The following FAT4 variants were observed in gnomAD, a reference collection of about 807,000 sequenced individuals.
FAT4 encodes FAT atypical cadherin 4.
Under a neutral mutation model 303.9 loss-of-function variants are expected in FAT4, and 84 were observed. That is an observed-to-expected ratio of 0.28 (90% CI 0.23 to 0.33). The LOEUF is 0.33. Among genes scored for constraint, FAT4 ranks in the 10% least tolerant of loss-of-function variants. FAT4 has a pLI of 1.00. For missense variants in FAT4, 6,005 were observed against 6,146.8 expected (o/e 0.98, Z 0.77); for synonymous variants, 2,307 against 2,298.8 (o/e 1.00, Z -0.10).
chr4:125,371,656 G>T (rs1733118112), intron 2 of FAT4, among the ~76,000 whole-genome samples: 1 of 151,412 alleles, frequency 6.6e-6, no homozygotes, highest in African/African-American at 2.4e-5. Context: ...ATAAAAAGTG[G>T]CTCTTTCATT....
In FAT4 at chr4:125,317,065, C is replaced by G; in HGVS notation, c.654C>G (p.Leu218=). The change falls in exon 2 of 18, where the codon CTC becomes CTG. Residue 218 remains leucine (L), a synonymous_variant. Coordinates refer to ENST00000394329, the MANE Select transcript of FAT4 (RefSeq NM_001291303.3). The surrounding 1 kb of genome is among the most constrained non-coding windows in gnomAD (Gnocchi z 7.0). ...LDREVTPQYQ[L]LVEVEDKGEP... is the part of the protein sequence containing the mutation. The stretch of plus-strand genomic sequence containing the variant: ...GTGAGGTCACTCCGCAGTACCAGCT[C>G]CTGGTTGAGGTGGAGGACAAGGGTG... 6.2e-7 allele frequency: 1 copy of G among 1,614,010 alleles called. No homozygotes were observed. The highest frequency in any genetic ancestry group is 8.5e-7 in the Non-Finnish European group (1 of 1,180,032).
intron 2 of FAT4, among the ~76,000 whole-genome samples, chr4:125,394,465 T>A (rs537387726): frequency 6.6e-6 from 1 of 152,172 alleles, no homozygotes; most frequent in Non-Finnish European, 1.5e-5. Flanking sequence ...TTACAACATA[T>A]GCTTTTTTAG....
chr4:125,407,030 C>T lies in FAT4; in HGVS notation c.5458C>T (p.Leu1820Phe), dbSNP rs1251905201. ...YSLLVRADDG[L>F]QSSDMRINIT... ...ACTGCTAGTTCGTGCTGATGATGGTCTTCAGTCCTCGGATATGAGAATTAA... is the reference window on the plus strand; with the variant it reads ...ACTGCTAGTTCGTGCTGATGATGGTTTTCAGTCCTCGGATATGAGAATTAA... The change falls in exon 4 of 18, where the codon CTT becomes TTT. Residue 1820 changes from leucine (L) to phenylalanine (F), a missense_variant. Transcript: ENST00000394329. 5 of 1,613,852 alleles carry T rather than the reference C, an allele frequency of 3.1e-6. No homozygotes were observed. Among genetic ancestry groups the T allele is most frequent in the Non-Finnish European group, 4.2e-6 (5 of 1,179,878 alleles).
At chr4:125,405,565 C>T (rs1005628306) in intron 3 of FAT4, among the ~76,000 whole-genome samples, 8 of 151,492 alleles carry the variant, frequency 5.3e-5, no homozygotes, top group Non-Finnish European at 2.9e-5. Flanking sequence ...GGCTACAGTA[C>T]AGTGGTGCGA....
At chr4:125,477,501 A>G (rs1578689282) in intron 14 of FAT4, 167 bp downstream of exon 14, 1 of 479,722 alleles carries the variant, frequency 2.1e-6, no homozygotes, top group East Asian at 3.3e-5. Flanking sequence ...GGCATAAAGT[A>G]TGATATTTAA....
chr4:125,417,822 T>C (rs571236038), intron 7 of FAT4, among the ~76,000 whole-genome samples: 1 of 152,262 alleles, frequency 6.6e-6, no homozygotes, highest in South Asian at 2.1e-4. Flanking sequence ...CGCTCTGAAA[T>C]AGACTGGCAT....
At chr4:125,338,310 T>G (rs1731650263) in intron 2 of FAT4, among the ~76,000 whole-genome samples, 1 of 152,188 alleles carries the variant, frequency 6.6e-6, no homozygotes, top group Admixed American at 6.5e-5. Flanking sequence ...ACACTGTCAT[T>G]TAGACAATAA....
At position 125,449,987 on chromosome 4, in the gene FAT4, C is replaced by T. The variant is rs768767425; in HGVS notation, c.8977C>T (p.Pro2993Ser). 1.1e-5 allele frequency: 18 copies of T among 1,613,536 alleles called. No individual in the cohort carries two copies. The Admixed American group carries it at 2.5e-4, about 22-fold the overall frequency. The change falls in exon 10 of 18, where the codon CCA (proline) becomes TCA (serine). Residue 2993 changes from proline to serine, a missense_variant. Physicochemically the swap from Pro to Ser is moderately conservative, Grantham distance 74 (BLOSUM62 -1). Transcript: ENST00000394329. Reference protein sequence around the residue: ...PQFLKSKYFTPVTKNVKVGTK... With the variant: ...PQFLKSKYFTSVTKNVKVGTK... ...ATTTCTTAAAAGTAAATATTTCACT[C>T]CAGTCACCAAAAATGTTAAGGTTGG...
At chr4:125,357,329 T>G (rs1276154807) in intron 2 of FAT4, among the ~76,000 whole-genome samples, 3 of 152,126 alleles carry the variant, frequency 2.0e-5, no homozygotes, top group Non-Finnish European at 2.9e-5. Flanking sequence ...GTCTCTCGAT[T>G]GATAATAAAA....
intron 3 of FAT4, among the ~76,000 whole-genome samples, chr4:125,402,052 A>G (rs982144114): frequency 6.0e-5 from 9 of 150,244 alleles, no homozygotes; most frequent in Non-Finnish European, 1.0e-4. Context: ...TCTTGGCCAG[A>G]TATTTTCAGA....
At position 125,489,960 on chromosome 4, in the gene FAT4, G is replaced by A. The variant is rs368409720; in HGVS notation, c.13144G>A (p.Gly4382Arg). ...WYGGESLPFSGKHSLASISKT... is the reference protein window; with the variant it reads ...WYGGESLPFSRKHSLASISKT... ...TGGTGGAGAAAGTCTTCCTTTCAGC[G>A]GGAAGCATAGCTTGGCCTCCATCTC... is the stretch of plus-strand genomic sequence containing the variant. The change falls in exon 18 of 18, where the codon GGG (glycine) becomes AGG (arginine). Residue 4382 changes from glycine to arginine, a missense_variant. Coordinates refer to ENST00000394329, the MANE Select transcript of FAT4 (RefSeq NM_001291303.3). 37 of 1,597,004 alleles carry A rather than the reference G, an allele frequency of 2.3e-5. No homozygotes were observed. The highest frequency in any genetic ancestry group is 2.0e-4 in the South Asian group (18 of 90,678).
rs761789494 is a variant in FAT4, at chr4:125,451,320, C to G, written c.10310C>G (p.Pro3437Arg). The change falls in exon 10 of 18, where the codon CCC (proline) becomes CGC (arginine). Residue 3437 changes from proline to arginine, a missense_variant. Physicochemically the swap from Pro to Arg is moderately radical, Grantham distance 103. Transcript: ENST00000394329. ...FVSAFDSDSI[P>R]SWSRFSYFIG... ...AGTGCCTTTGACTCAGACTCCATCC[C>G]CAGCTGGAGCAGGTTTTCTTACTTC... 3 of 1,614,116 alleles carry G rather than the reference C, an allele frequency of 1.9e-6. No homozygotes were observed. The Admixed American group carries it at 5.0e-5, about 27-fold the overall frequency.
At chr4:125,416,681 C>T in intron 7 of FAT4, 59 bp downstream of exon 7, 9 of 1,565,434 alleles carry the variant, frequency 5.7e-6, no homozygotes, top group Non-Finnish European at 7.0e-6. Flanking sequence ...CACGGTGGCT[C>T]ATGCCTGTAA....
chr4:125,353,375 T>C (rs1290392519), intron 2 of FAT4, among the ~76,000 whole-genome samples: 2 of 151,798 alleles, frequency 1.3e-5, no homozygotes, highest in African/African-American at 2.4e-5. Context: ...CATTTTTATA[T>C]TGTTTTAGAA....
chr4:125,378,233 G>T (rs1425512789), intron 2 of FAT4, among the ~76,000 whole-genome samples: 2 of 152,052 alleles, frequency 1.3e-5, no homozygotes, highest in Admixed American at 1.3e-4. Context: ...CATTGTAAAA[G>T]CCCAATATAA....
At chr4:125,428,447 G>GT in intron 7 of FAT4, among the ~76,000 whole-genome samples, 1 of 152,264 alleles carries the variant, frequency 6.6e-6, no homozygotes, top group South Asian at 2.1e-4. Flanking sequence ...AAGGCCCAGG[G>GT]TTAACTGTGG....
intron 5 of FAT4, among the ~76,000 whole-genome samples, chr4:125,409,472 T>C (rs1343851603): frequency 2.6e-5 from 4 of 152,128 alleles, no homozygotes; most frequent in African/African-American, 9.7e-5. Context: ...GTCAGGCTAA[T>C]CTCCAACTCC....
chr4:125,378,894 A>G (rs1254889685), intron 2 of FAT4, among the ~76,000 whole-genome samples: 1 of 152,166 alleles, frequency 6.6e-6, no homozygotes, highest in Non-Finnish European at 1.5e-5. Context: ...CTGGCTATGG[A>G]GTAACTGGGA....
At chr4:125,424,679 G>A (rs1303383686) in intron 7 of FAT4, among the ~76,000 whole-genome samples, 1 of 152,088 alleles carries the variant, frequency 6.6e-6, no homozygotes, top group Admixed American at 6.5e-5. Context: ...AAGATAGGCT[G>A]GTGAAGAGGT....
Sources: gnomAD v4.1 joint callset for allele counts (sites outside exome capture counted in the v4.1 genomes callset) on GRCh38, gnomAD v4.1.1 for gene constraint, Gnocchi (gnomAD v3.1) non-coding constraint, MANE v1.5 for transcripts, NCBI Gene and HGNC (gene_info 2026-07-23, HGNC 2026-07-21) for gene names.